Variants in AMACR observed in about 807,000 individuals in gnomAD.
AMACR encodes 2-methylacyl-CoA racemase.
A neutral mutation model predicts 22.2 loss-of-function variants in AMACR; 18 were observed. That is an observed-to-expected ratio of 0.81 (90% confidence interval 0.56 to 1.20). The LOEUF (loss-of-function observed/expected upper bound fraction) is 1.20. AMACR is among the 50% of genes most tolerant of loss of function. The pLI, the probability that AMACR is intolerant of heterozygous loss-of-function variation, is 0.00. For synonymous variants in AMACR, 213 were observed against 191.3 expected (o/e 1.11, Z -0.94); for missense variants, 499 against 490.6 (o/e 1.02, Z -0.16).
chr5:34,003,256 T>C (rs40507), intron 3 of AMACR, among the ~76,000 whole-genome samples: 38,082 of 152,114 alleles, frequency 0.25, 6,024 homozygotes, highest in African/African-American at 0.46. Flanking sequence ...AATCTGTTTC[T>C]AGTCCCTAAC....
At chr5:34,003,020 A>G (rs2112066294) in intron 3 of AMACR, among the ~76,000 whole-genome samples, 1 of 152,334 alleles carries the variant, frequency 6.6e-6, no homozygotes, top group Non-Finnish European at 1.5e-5. Flanking sequence ...GCCAGGACCC[A>G]ATCCAGTTGA....
At chr5:34,004,985 T>C (rs1390052067) in intron 2 of AMACR, among the ~76,000 whole-genome samples, 1 of 152,234 alleles carries the variant, frequency 6.6e-6, no homozygotes, top group Non-Finnish European at 1.5e-5. Flanking sequence ...TATTGCTAAG[T>C]TTTTACTCAC....
chr5:34,002,711 T>A (rs1262681084), intron 3 of AMACR, among the ~76,000 whole-genome samples: 1 of 152,186 alleles, frequency 6.6e-6, no homozygotes, highest in Non-Finnish European at 1.5e-5. Flanking sequence ...CTGTGGAAGG[T>A]ACCGGTCTTG....
intron 4 of AMACR, chr5:33,997,467 T>C (rs1408757581): frequency 1.3e-6 from 1 of 779,438 alleles, no homozygotes. Context: ...TTGCCTTGCC[T>C]GGCACGATAC....
chr5:34,001,733 T>G (rs570184596), intron 3 of AMACR, among the ~76,000 whole-genome samples: 2 of 152,306 alleles, frequency 1.3e-5, no homozygotes, highest in South Asian at 4.1e-4. Context: ...AGCCTCCAGC[T>G]CTTCACAGGC....
In AMACR at chr5:34,007,768, C is replaced by T. The variant is rs754560560; in HGVS notation, c.247+5G>A. 3 of 1,548,740 alleles carry T rather than the reference C, an allele frequency of 1.9e-6. No homozygotes were observed. The highest frequency in any genetic ancestry group is 4.7e-5 in the East Asian group (2 of 42,128). Reference sequence around the variant, plus strand: ...CCGAGAGCAGCCCGCGGGGCCCGGGCTCACCGCGGCGGAAGGGCTCCAGCA... The same window carrying T: ...CCGAGAGCAGCCCGCGGGGCCCGGGTTCACCGCGGCGGAAGGGCTCCAGCA... On this transcript the variant is annotated splice_donor_5th_base_variant and intron_variant, in intron 1 of 4. Transcript: ENST00000335606.
At position 33,989,210 on chromosome 5, in the gene AMACR, A is replaced by C. The variant is rs1189329151; in HGVS notation, c.1032T>G (p.Pro344=). Reference sequence around the variant, plus strand: ...TCTCCTCAGTGTGTTCTCCTATGAAAGGATCCCTTTTGAAAGAAGGGATGG... The same window carrying C: ...TCTCCTCAGTGTGTTCTCCTATGAACGGATCCCTTTTGAAAGAAGGGATGG... ...TPAIPSFKRD[P]FIGEHTEEIL... Residue 344 remains proline (P), a synonymous_variant, in exon 5 of 5, where the codon CCT becomes CCG. Coordinates refer to ENST00000335606, the MANE Select transcript of AMACR (RefSeq NM_014324.6). 12 of 1,614,066 alleles carry C rather than the reference A, an allele frequency of 7.4e-6. No individual in the cohort carries two copies. The South Asian group carries it at 9.9e-5, about 13-fold the overall frequency.
In AMACR at chr5:34,005,803, C is replaced by T; in HGVS notation, c.344G>A (p.Ser115Asn). 1.2e-6 allele frequency: 2 copies of T among 1,614,162 alleles called. No homozygotes were observed. The highest frequency in any genetic ancestry group is 1.7e-6 in the Non-Finnish European group (2 of 1,180,034). The change falls in exon 2 of 5, where the codon AGC (serine) becomes AAC (asparagine). Residue 115 changes from serine (S) to asparagine (N), a missense_variant. By Grantham distance (46) the Ser-to-Asn change is conservative (BLOSUM62 1). Transcript: ENST00000335606. ...ARLSGFGQSG[S>N]FCRLAGHDIN... ...ATCGTGGCCAGCTAACCGGCAGAAG[C>T]TTCCTGACTGGCCAAATCCACTCAG...
At chr5:34,007,612 C>G (rs1754023012) in intron 1 of AMACR, among the ~76,000 whole-genome samples, 161 bp downstream of exon 1, 1 of 152,170 alleles carries the variant, frequency 6.6e-6, no homozygotes, top group East Asian at 1.9e-4. Context: ...GAAGAATGAT[C>G]ACTAACAATA....
chr5:34,003,415 G>A (rs1203654435), intron 3 of AMACR, among the ~76,000 whole-genome samples: 3 of 152,188 alleles, frequency 2.0e-5, no homozygotes, highest in Non-Finnish European at 4.4e-5. Context: ...ACTGAACAAT[G>A]GATGAACTCA....
intron 3 of AMACR, among the ~76,000 whole-genome samples, chr5:34,003,683 C>A (rs1409961042): frequency 2.0e-5 from 3 of 152,190 alleles, no homozygotes; most frequent in Non-Finnish European, 4.4e-5. Context: ...TCTTCGCTCC[C>A]TGTCAGTCCA....
At position 34,004,694 on chromosome 5, in the gene AMACR, A is replaced by C; in HGVS notation, c.432T>G (p.Tyr144Ter). Reference protein sequence around the residue: ...SKIGRSGENPYAPLNLLADFA... With the variant: ...SKIGRSGENP ...AGTCAGCCAGGAGATTCAGCGGGGC[A>C]TACGGATTCTCACCACTTCTGCCAA... Residue 144 changes from tyrosine (Y) to a stop codon, truncating the protein, a stop_gained, in exon 3 of 5, where the codon TAT becomes TAG. Coordinates refer to ENST00000335606, the MANE Select transcript of AMACR (RefSeq NM_014324.6). LOFTEE classifies it high-confidence loss of function. 6.2e-7 allele frequency: 1 copy of C among 1,614,234 alleles called. No individual in the cohort carries two copies. Among genetic ancestry groups the C allele is most frequent in the South Asian group, 1.1e-5 (1 of 91,086 alleles).
At position 33,998,694 on chromosome 5, in the gene AMACR, T is replaced by C. The variant is rs770086360; in HGVS notation, c.686A>G (p.Glu229Gly). Residue 229 changes from glutamate to glycine, a missense_variant, in exon 4 of 5, where the codon GAA becomes GGA. Transcript: ENST00000335606. ...TTCTATTGCTCCAACAGCCATGAAT[T>C]CCCCATCTGCTGTCCTGTAAGTCGT... is the stretch of plus-strand genomic sequence containing the variant. ...FYTTYRTADG[E>G]FMAVGAIEPQ... is the part of the protein sequence containing the mutation. The C allele has an allele frequency of 1.9e-6, 3 of 1,613,772 alleles. No individual in the cohort carries two copies. The South Asian group carries it at 3.3e-5, about 18-fold the overall frequency.
chr5:33,999,947 T>C (rs1415752747), intron 3 of AMACR, among the ~76,000 whole-genome samples: 1 of 152,226 alleles, frequency 6.6e-6, no homozygotes, highest in Non-Finnish European at 1.5e-5. Context: ...TATACACATA[T>C]GCATGTATAT....
Position 33,998,737 on chromosome 5 carries a change from C to A in AMACR, c.643G>T (p.Gly215Cys), listed in dbSNP as rs536592572. ...EAPRGQNMLD[G>C]GAPFYTTYRT... The stretch of plus-strand genomic sequence containing the variant: ...TAAGTCGTATAGAAAGGTGCTCCAC[C>A]ATCCAACATGTTCTGTCCTCGAGGT... Residue 215 changes from glycine (G) to cysteine (C), a missense_variant, in exon 4 of 5, where the codon GGT (glycine) becomes TGT (cysteine). Physicochemically the swap from Gly to Cys is radical, Grantham distance 159. Coordinates refer to ENST00000335606, the MANE Select transcript of AMACR (RefSeq NM_014324.6). The A allele has an allele frequency of 6.2e-7, 1 of 1,614,088 alleles. No individual in the cohort carries two copies. The highest frequency in any genetic ancestry group is 1.3e-5 in the African/African-American group (1 of 75,022).
chr5:33,989,482 C>A lies in AMACR; in HGVS notation c.760G>T (p.Glu254Ter). ...TCCATGCTCATCTGATTGGGAAGTT[C>A]ATCAGACTTTAGTCCAAGTCCTGAG... ...LIKGLGLKSD[E>*]LPNQMSMDDW... is the part of the protein sequence containing the mutation. Residue 254 changes from glutamate to a stop codon, truncating the protein, a stop_gained, in exon 5 of 5, where the codon GAA becomes TAA. Coordinates refer to ENST00000335606, the MANE Select transcript of AMACR (RefSeq NM_014324.6). LOFTEE classifies it low-confidence loss of function (END_TRUNC). The A allele has an allele frequency of 6.2e-7, 1 of 1,614,154 alleles. No homozygotes were observed. Among genetic ancestry groups the A allele is most frequent in the South Asian group, 1.1e-5 (1 of 91,086 alleles).
In AMACR at chr5:34,004,596, C is replaced by T. The variant is rs1753913977; in HGVS notation, c.530G>A (p.Gly177Asp). Residue 177 changes from glycine (G) to aspartate (D), a missense_variant, in exon 3 of 5, where the codon GGT becomes GAT. Gly to Asp is a moderately conservative substitution (Grantham distance 94). Transcript: ENST00000335606. ...ALFDRTRTGK[G>D]QVIDANMVEG... is the part of the protein sequence containing the mutation. ...TACCATATTTGCATCAATGACCTGACCCTTGCCAGTGCGTGTGCGGTCAAA... is the reference window on the plus strand; with the variant it reads ...TACCATATTTGCATCAATGACCTGATCCTTGCCAGTGCGTGTGCGGTCAAA... 6.2e-7 allele frequency: 1 copy of T among 1,614,146 alleles called. No homozygotes were observed. The highest frequency in any genetic ancestry group is 8.5e-7 in the Non-Finnish European group (1 of 1,180,012).
Position 33,989,160 on chromosome 5 carries a change from C to T in AMACR, c.1082G>A (p.Arg361His), listed in dbSNP as rs374668256. Residue 361 changes from arginine (R) to histidine (H), a missense_variant, in exon 5 of 5, where the codon CGC becomes CAC. Arg to His is a conservative substitution (Grantham distance 29). Transcript: ENST00000335606. The stretch of plus-strand genomic sequence containing the variant: ...TGAGTTAAGCTGATAAATCTCTTCG[C>T]GGCTGAATCCAAATTCTTCAAGTAT... ...EEILEEFGFS[R>H]EEIYQLNSDK... is the part of the protein sequence containing the mutation. 3.2e-5 allele frequency: 51 copies of T among 1,614,072 alleles called. No homozygotes were observed. The highest frequency in any genetic ancestry group is 1.6e-4 in the East Asian group (7 of 44,902).
At chr5:34,000,922 C>A (rs1753796837) in intron 3 of AMACR, among the ~76,000 whole-genome samples, 1 of 152,050 alleles carries the variant, frequency 6.6e-6, no homozygotes, top group Non-Finnish European at 1.5e-5. Context: ...TGTTGAACGC[C>A]CTGATGAGAC....
Sources: gnomAD v4.1 joint callset for allele counts (sites outside exome capture counted in the v4.1 genomes callset) on GRCh38, gnomAD v4.1.1 for gene constraint, MANE v1.5 for transcripts, NCBI Gene and HGNC (gene_info 2026-07-23, HGNC 2026-07-21) for gene names.